The following OSBPL9 variants were observed in gnomAD, a reference collection of about 807,000 sequenced individuals.
The protein encoded by OSBPL9 is oxysterol binding protein like 9, also known as oxysterol-binding protein-related protein 9.
A neutral mutation model predicts 106.6 loss-of-function variants in OSBPL9; 40 were observed. That is an observed-to-expected ratio of 0.38 (90% confidence interval 0.29 to 0.49). OSBPL9 has a LOEUF of 0.49. Ranked by LOEUF, OSBPL9 falls within the 20% of genes least tolerant of loss-of-function variation. OSBPL9 has a pLI of 0.97. For missense variants in OSBPL9, 609 were observed against 887.2 expected (o/e 0.69, Z 3.98); for synonymous variants, 269 against 295.4 (o/e 0.91, Z 0.92).
At chr1:51,568,560 T>G in the OSBPL9 span, among the ~76,000 whole-genome samples, 68 of 152,324 alleles carry the variant, frequency 4.5e-4, no homozygotes, top group African/African-American at 1.5e-3. Flanking sequence ...TCTTTTCTTT[T>G]TTTTGAGACG....
intron 2 of OSBPL9, among the ~76,000 whole-genome samples, chr1:51,603,969 T>C (rs921433793): frequency 1.3e-5 from 2 of 152,170 alleles, no homozygotes; most frequent in African/African-American, 4.8e-5. Context: ...GGTATCCCAA[T>C]GGAGGGGTGA....
chr1:51,715,494 A>G (rs1660871467), intron 4 of OSBPL9, among the ~76,000 whole-genome samples: 1 of 152,100 alleles, frequency 6.6e-6, no homozygotes, highest in Admixed American at 6.5e-5. Context: ...AAGTAAATCT[A>G]GTTAGATGTG....
At chr1:51,603,754 G>C (rs1643907441) in intron 2 of OSBPL9, among the ~76,000 whole-genome samples, 1 of 152,154 alleles carries the variant, frequency 6.6e-6, no homozygotes, top group South Asian at 2.1e-4. Context: ...GGTGTATGTA[G>C]TAGAAAAAGT....
At chr1:51,610,043 G>A (rs573196318) in intron 2 of OSBPL9, among the ~76,000 whole-genome samples, 6 of 152,122 alleles carry the variant, frequency 3.9e-5, no homozygotes, top group Admixed American at 2.6e-4. Flanking sequence ...CACCACTCCC[G>A]GCCCCACACA....
the OSBPL9 span, among the ~76,000 whole-genome samples, chr1:51,551,459 G>A: frequency 7.9e-5 from 12 of 151,860 alleles, no homozygotes; most frequent in Admixed American, 7.2e-4. Context: ...TCTCTCCATT[G>A]CTTCTCTTAG....
At chr1:51,707,601 G>T in intron 3 of OSBPL9, 2 of 184,360 alleles carry the variant, frequency 1.1e-5, no homozygotes, top group South Asian at 2.4e-4. Flanking sequence ...GGGTGGCAGT[G>T]ATGGCATGGA....
At chr1:51,646,597 G>A (rs1646169360) in intron 1 of OSBPL9, among the ~76,000 whole-genome samples, 2 of 152,162 alleles carry the variant, frequency 1.3e-5, no homozygotes, top group African/African-American at 4.8e-5. Flanking sequence ...AGGCTGGAGT[G>A]CAGTGGCACA....
intron 3 of OSBPL9, among the ~76,000 whole-genome samples, chr1:51,676,115 A>G (rs1378567433): frequency 6.6e-6 from 1 of 152,194 alleles, no homozygotes; most frequent in Non-Finnish European, 1.5e-5. Context: ...TATAAAATAT[A>G]TTGTAGAGAT....
chr1:51,637,442 C>T (rs1645520787), intron 1 of OSBPL9, among the ~76,000 whole-genome samples: 1 of 152,168 alleles, frequency 6.6e-6, no homozygotes, highest in African/African-American at 2.4e-5. Flanking sequence ...CACTGCACTC[C>T]AGCCTGGGCA....
chr1:51,581,022 G>A (rs1645219103), intron 1 of OSBPL9, among the ~76,000 whole-genome samples: 1 of 138,852 alleles, frequency 7.2e-6, no homozygotes, highest in Admixed American at 7.5e-5. Flanking sequence ...TTTACTCACT[G>A]CAACCTTGTC....
chr1:51,730,010 A>AC, intron 4 of OSBPL9: 3 of 1,311,006 alleles, frequency 2.3e-6, no homozygotes, highest in Non-Finnish European at 2.9e-6. Flanking sequence ...GAGTGAGTAG[A>AC]CCCCGAGGGT....
At chr1:51,546,062 A>G in the OSBPL9 span, among the ~76,000 whole-genome samples, 777 of 152,142 alleles carry the variant, frequency 5.1e-3, 7 homozygotes, top group African/African-American at 0.017. Flanking sequence ...TGTCACCCAG[A>G]CTGGAGTGCA....
At chr1:51,728,985 G>T (rs1663663226) in intron 4 of OSBPL9, among the ~76,000 whole-genome samples, 2 of 152,220 alleles carry the variant, frequency 1.3e-5, no homozygotes. Context: ...GAGCGGAAAA[G>T]GAGCTAGTCC....
chr1:51,597,775 G>A (rs1461397668), intron 1 of OSBPL9, among the ~76,000 whole-genome samples: 1 of 152,184 alleles, frequency 6.6e-6, no homozygotes, highest in African/African-American at 2.4e-5. Flanking sequence ...ATTCTAGGTT[G>A]TTTGCCCATT....
At position 51,781,296 on chromosome 1, in the gene OSBPL9, G is replaced by A. The variant is rs377435456; in HGVS notation, c.1389G>A (p.Gln463=). Reference sequence around the variant, plus strand: ...ATCCCATTTTGGGCGAGATTTTTCAGTGTCATTGGACATTACCAAATGATA... The same window carrying A: ...ATCCCATTTTGGGCGAGATTTTTCAATGTCATTGGACATTACCAAATGATA... The part of the protein sequence containing the change: ...PYNPILGEIF[Q]CHWTLPNDTE... Residue 463 remains glutamine (Q), a synonymous_variant, in exon 16 of 24, where the codon CAG becomes CAA. Coordinates refer to ENST00000428468, the MANE Select transcript of OSBPL9 (RefSeq NM_024586.6). 2.8e-5 allele frequency: 45 copies of A among 1,614,070 alleles called. No homozygotes were observed. The highest frequency in any genetic ancestry group is 3.8e-5 in the Non-Finnish European group (45 of 1,180,020).
intron 1 of OSBPL9, among the ~76,000 whole-genome samples, chr1:51,629,948 CAA>C (rs530932807): frequency 2.1e-5 from 3 of 143,550 alleles, no homozygotes; most frequent in Non-Finnish European, 3.1e-5. Flanking sequence ...TATTCCATCT[CAA>C]AAAAAAAAAA....
At chr1:51,538,983 G>C in the OSBPL9 span, among the ~76,000 whole-genome samples, 1 of 151,964 alleles carries the variant, frequency 6.6e-6, no homozygotes, top group Non-Finnish European at 1.5e-5. Flanking sequence ...AAATCCTCTG[G>C]ACTCTTCTTG....
intron 1 of OSBPL9, among the ~76,000 whole-genome samples, chr1:51,629,549 C>G (rs1249233894): frequency 2.0e-5 from 3 of 152,164 alleles, no homozygotes; most frequent in African/African-American, 7.2e-5. Context: ...CCACCCTGTA[C>G]AGTGTGAAAC....
At chr1:51,530,770 G>A in the OSBPL9 span, among the ~76,000 whole-genome samples, 1 of 152,168 alleles carries the variant, frequency 6.6e-6, no homozygotes, top group African/African-American at 2.4e-5. Flanking sequence ...GGCCGAGGCA[G>A]GCAGATCACT....
Sources: allele counts gnomAD v4.1 joint callset (sites outside exome capture counted in the v4.1 genomes callset), GRCh38; gene constraint gnomAD v4.1.1; transcripts MANE v1.5; gene names NCBI Gene and HGNC (gene_info 2026-07-23, HGNC 2026-07-21).